The following OGDHL variants were observed in gnomAD, a reference collection of about 807,000 sequenced individuals.
OGDHL encodes the protein 2-oxoglutarate dehydrogenase-like, mitochondrial.
Under a neutral mutation model 109.6 loss-of-function variants are expected in OGDHL, and 79 were observed. That is an observed-to-expected ratio of 0.72 (90% CI 0.60 to 0.87). The LOEUF (loss-of-function observed/expected upper bound fraction) is 0.87. Among genes scored for constraint, OGDHL ranks in the 40% least tolerant of loss-of-function variants. OGDHL has a pLI of 0.00. For synonymous variants in OGDHL, 528 were observed against 537.2 expected (o/e 0.98, Z 0.24); for missense variants, 1,275 against 1,362.2 (o/e 0.94, Z 1.01).
chr10:49,754,120 G>C (rs553876217), intron 3 of OGDHL, among the ~76,000 whole-genome samples: 43 of 152,224 alleles, frequency 2.8e-4, no homozygotes, highest in Non-Finnish European at 5.4e-4. Flanking sequence ...TCCTGAAAGG[G>C]CCCAGAAGTA....
chr10:49,750,361 A>G (rs1190846087), intron 7 of OGDHL, among the ~76,000 whole-genome samples: 1 of 152,300 alleles, frequency 6.6e-6, no homozygotes, highest in East Asian at 1.9e-4. Flanking sequence ...CTGCTGAGCA[A>G]GCCTCCTAGA....
intron 10 of OGDHL, among the ~76,000 whole-genome samples, chr10:49,746,270 G>A (rs984096031): frequency 6.6e-6 from 1 of 152,156 alleles, no homozygotes; most frequent in Non-Finnish European, 1.5e-5. Context: ...ACGGCTAACT[G>A]CAACCTGGGG....
intron 3 of OGDHL, among the ~76,000 whole-genome samples, chr10:49,755,498 TG>T (rs2133089605): frequency 6.6e-6 from 1 of 152,226 alleles, no homozygotes; most frequent in Non-Finnish European, 1.5e-5. Flanking sequence ...TGATGGGTGG[TG>T]GGCTCACTGC....
rs1842536386 is a variant in OGDHL at position 49,750,825 on chromosome 10, G to A, written c.896+14C>T. On this transcript the variant is annotated intron_variant, in intron 7 of 22. Coordinates refer to ENST00000374103, the MANE Select transcript of OGDHL (RefSeq NM_018245.3). ...GAGGAGAATGCGCAAGGCACAGCAG[G>A]GAGGGGGACCCACCTGTGTGGCATC... The A allele has an allele frequency of 1.9e-6, 3 of 1,603,170 alleles. No individual in the cohort carries two copies. Among genetic ancestry groups the A allele is most frequent in the African/African-American group, 2.7e-5 (2 of 74,918 alleles).
intron 15 of OGDHL, among the ~76,000 whole-genome samples, chr10:49,742,278 AACACACACC>A (rs1841774972): frequency 7.9e-6 from 1 of 127,236 alleles, no homozygotes; most frequent in Admixed American, 8.0e-5. Flanking sequence ...CTCAACACAC[AACACACACC>A]ACACACACCA....
Position 49,738,040 on chromosome 10 carries a change from G to C in OGDHL, c.2424C>G (p.Leu808=). The C allele has an allele frequency of 6.2e-7, 1 of 1,614,202 alleles. No individual in the cohort carries two copies. Among genetic ancestry groups the C allele is most frequent in the Non-Finnish European group, 8.5e-7 (1 of 1,180,034 alleles). The part of the protein sequence containing the change: ...AFTKDFEVSQ[L]YDCNWIVVNC... ...TGACCACGATCCAGTTGCAGTCATA[G>C]AGCTGGCTCACCTCGAAGTCCTTGG... Residue 808 remains leucine (L), a synonymous_variant, in exon 19 of 23, where the codon CTC becomes CTG. Transcript: ENST00000374103.
chr10:49,738,451 G>A (rs893546853), intron 17 of OGDHL, 189 bp from the exon 18 acceptor site: 152 of 624,904 alleles, frequency 2.4e-4, no homozygotes, highest in East Asian at 6.9e-4. Flanking sequence ...TCAGAGTGGG[G>A]TCTGCCCAGA....
rs188627928 is a variant in OGDHL, at chr10:49,754,596, G to C, written c.376-1856C>G. 2.6e-5 allele frequency among the ~76,000 whole-genome samples: 4 copies of C among 151,798 alleles called. No individual in the cohort carries two copies. The East Asian group carries it at 7.8e-4, about 30-fold the overall frequency. ...TCACCATTTTTGCAACCCCTAGTGA[G>C]TTAATGGATCTAGGAAATCACTATC... On this transcript the variant is annotated intron_variant, in intron 3 of 22. Coordinates refer to ENST00000374103, the MANE Select transcript of OGDHL (RefSeq NM_018245.3).
At chr10:49,758,703 G>T in intron 1 of OGDHL, 110 bp from the exon 2 acceptor site, 2 of 1,102,892 alleles carry the variant, frequency 1.8e-6, no homozygotes, top group Non-Finnish European at 1.3e-6. Flanking sequence ...TGGGCAGATG[G>T]TGCTGGGCTA....
intron 1 of OGDHL, among the ~76,000 whole-genome samples, chr10:49,761,683 C>T (rs1018626310): frequency 6.6e-6 from 1 of 152,246 alleles, no homozygotes; most frequent in South Asian, 2.1e-4. Context: ...CGGGATTACC[C>T]CGTCCCCCTC....
At chr10:49,741,972 TACAC>T (rs1004664822) in intron 15 of OGDHL, among the ~76,000 whole-genome samples, 6 of 79,890 alleles carry the variant, frequency 7.5e-5, no homozygotes, top group Non-Finnish European at 1.6e-4. Flanking sequence ...CTACATACAC[TACAC>T]ACACACAACC....
intron 15 of OGDHL, among the ~76,000 whole-genome samples, chr10:49,741,165 A>C (rs533338756): frequency 1.1e-4 from 16 of 152,222 alleles, no homozygotes; most frequent in Admixed American, 8.5e-4. Flanking sequence ...AGGGGACCTG[A>C]TAAGACACTT....
rs1158122991 is a variant in OGDHL at position 49,746,894 on chromosome 10, G to A, written c.1168-16C>T. The A allele has an allele frequency of 6.2e-7, 1 of 1,613,974 alleles. No individual in the cohort carries two copies. Reference sequence around the variant, plus strand: ...TGGACATGACCTGCAGGGCAGGTGTGAGCCAGGAGGGGCTGCGTGCCCCAG... The same window carrying A: ...TGGACATGACCTGCAGGGCAGGTGTAAGCCAGGAGGGGCTGCGTGCCCCAG... On this transcript the variant is annotated splice_polypyrimidine_tract_variant and intron_variant, in intron 9 of 22. Coordinates refer to ENST00000374103, the MANE Select transcript of OGDHL (RefSeq NM_018245.3).
intron 3 of OGDHL, among the ~76,000 whole-genome samples, chr10:49,753,845 G>A (rs970880289): frequency 6.3e-5 from 9 of 143,956 alleles, no homozygotes; most frequent in African/African-American, 1.8e-4. Context: ...AGCTGAGGTC[G>A]CACCACTGCG....
chr10:49,747,504 G>A (rs55948938), intron 8 of OGDHL, among the ~76,000 whole-genome samples: 6,161 of 152,290 alleles, frequency 0.04, 191 homozygotes, highest in African/African-American at 0.074. Flanking sequence ...AGGGAGAGAA[G>A]GGCAGTGCCT....
rs749285982 is a variant in OGDHL, at chr10:49,745,498, T to A, written c.1477-2A>T. 2 of 1,613,700 alleles carry A rather than the reference T, an allele frequency of 1.2e-6. No homozygotes were observed. Among genetic ancestry groups the A allele is most frequent in the Non-Finnish European group, 1.7e-6 (2 of 1,180,014 alleles). On this transcript the variant is annotated splice_acceptor_variant, in intron 11 of 22. Transcript: ENST00000374103. LOFTEE classifies it high-confidence loss of function. ...GTGGCCACGCCGGCGGTAACAGACC[T>A]GCAGGAGCAGCCAGAGGGGCTCAGG...
chr10:49,741,980 CACAACCACACACACCCCACAAA>C (rs1841715501), intron 15 of OGDHL, among the ~76,000 whole-genome samples: 2 of 140,870 alleles, frequency 1.4e-5, no homozygotes, highest in Admixed American at 7.2e-5. Flanking sequence ...ACTACACACA[CACAACCACACACACCCCACAAA>C]TACCACACCA....
In OGDHL at chr10:49,735,202, G is replaced by A. The variant is rs3750755; in HGVS notation, c.*26C>T. The A allele has an allele frequency of 7.6e-3, 12,242 of 1,600,790 alleles. 462 individuals are homozygous for A. The East Asian group carries it at 0.092, about 12-fold the overall frequency. ...CCTTGGTCCCCAGCAAACCCACAGC[G>A]AGACCTACACAGGTTTTGCCCAGCT... On this transcript the variant is annotated 3_prime_UTR_variant, in exon 23 of 23. Transcript: ENST00000374103.
chr10:49,754,255 T>C (rs1842782064), intron 3 of OGDHL, among the ~76,000 whole-genome samples: 1 of 152,152 alleles, frequency 6.6e-6, no homozygotes, highest in Non-Finnish European at 1.5e-5. Context: ...ACACCACGAG[T>C]GCTGGGAATA....
Sources: gnomAD v4.1 joint callset for allele counts (sites outside exome capture counted in the v4.1 genomes callset) on GRCh38, gnomAD v4.1.1 for gene constraint, MANE v1.5 for transcripts, NCBI Gene and HGNC (gene_info 2026-07-23, HGNC 2026-07-21) for gene names.